Variants in WDFY3 observed in about 807,000 individuals in gnomAD.
WDFY3 encodes the protein WD repeat and FYVE domain-containing protein 3.
WDFY3 carries 66 observed loss-of-function variants against 409.6 expected under a neutral mutation model. The observed-to-expected ratio is 0.16, with a 90% CI of 0.13 to 0.20. WDFY3 has a LOEUF of 0.20. Ranked by LOEUF, WDFY3 falls within the 10% of genes least tolerant of loss-of-function variation. WDFY3 has a pLI of 1.00. For synonymous variants in WDFY3, 1,521 were observed against 1,537.1 expected (o/e 0.99, Z 0.25); for missense variants, 3,031 against 4,298.1 (o/e 0.71, Z 8.24).
At chr4:84,896,667 G>A (rs1196102409) in intron 3 of WDFY3, among the ~76,000 whole-genome samples, 2 of 152,106 alleles carry the variant, frequency 1.3e-5, no homozygotes, top group Non-Finnish European at 2.9e-5. Flanking sequence ...ATATGTGTAA[G>A]CATATAGGTG....
intron 3 of WDFY3, among the ~76,000 whole-genome samples, chr4:84,892,524 T>C (rs1368924237): frequency 6.6e-6 from 1 of 152,196 alleles, no homozygotes; most frequent in Non-Finnish European, 1.5e-5. Flanking sequence ...AGATATTTCC[T>C]ATGCATCAGG....
chr4:84,841,125 G>A (rs754936242), intron 6 of WDFY3, 29 bp downstream of exon 6: 3 of 1,544,676 alleles, frequency 1.9e-6, no homozygotes, highest in Admixed American at 2.1e-5. Context: ...AAGACGCTGA[G>A]TTATCAAACA....
Position 84,673,777 on chromosome 4 carries a change from G to GA in WDFY3, c.10458-787dup, listed in dbSNP as rs201540497. Among the ~76,000 whole-genome samples the GA allele has an allele frequency of 4.1e-3, 615 of 150,816 alleles. 4 individuals carry two copies. The highest frequency in any genetic ancestry group is 0.012 in the African/African-American group (496 of 41,108). On this transcript the variant is annotated intron_variant, in intron 67 of 67. Transcript: ENST00000295888. ...ATTTTCAGAAGATTGAAATGGAAATGAAAAAAAAAATTTTTTTTTGGTAGG... is the reference window on the plus strand; with the variant it reads ...ATTTTCAGAAGATTGAAATGGAAATGAAAAAAAAAAATTTTTTTTTGGTAGG...
Position 84,850,928 on chromosome 4 carries a change from G to GTTTTTTTTT in WDFY3, c.181-912_181-904dup, listed in dbSNP as rs869074191. 7.6e-4 allele frequency among the ~76,000 whole-genome samples: 35 copies of GTTTTTTTTT among 46,228 alleles called. 1 individual carries two copies. The highest frequency in any genetic ancestry group is 1.2e-3 in the Non-Finnish European group (30 of 25,864). 30.3% of individuals were successfully genotyped at this position (46,228 alleles called of 152,430 possible). ...TTCTTATTTTTAATTTTATTTATCTGTTTTTTTTTTTTTTTTTTTTTTTTT... is the reference window on the plus strand; with the variant it reads ...TTCTTATTTTTAATTTTATTTATCTGTTTTTTTTTTTTTTTTTTTTTTTTTTTTTTTTTT... On this transcript the variant is annotated intron_variant, in intron 4 of 67. Transcript: ENST00000295888.
chr4:84,770,507 C>T (rs954677749), intron 30 of WDFY3, among the ~76,000 whole-genome samples: 2 of 152,042 alleles, frequency 1.3e-5, no homozygotes, highest in African/African-American at 4.8e-5. Context: ...TGAGGTATTC[C>T]TATACTTTCC....
At chr4:84,881,995 A>T (rs1032938864) in intron 3 of WDFY3, among the ~76,000 whole-genome samples, 1 of 152,210 alleles carries the variant, frequency 6.6e-6, no homozygotes, top group Admixed American at 6.5e-5. Context: ...GACATGAGAA[A>T]CATTATCTCA....
chr4:84,693,895 C>CAA (rs35165784), intron 58 of WDFY3, among the ~76,000 whole-genome samples: 4 of 79,992 alleles, frequency 5.0e-5, no homozygotes, highest in African/African-American at 7.3e-5. Context: ...GACTCCGTCT[C>CAA]AAAAAAAAAA....
chr4:84,850,203 AT>A (rs1352731340), intron 4 of WDFY3, among the ~76,000 whole-genome samples, 178 bp from the exon 5 acceptor site: 1 of 152,210 alleles, frequency 6.6e-6, no homozygotes, highest in Admixed American at 6.5e-5. Context: ...GTCTAGCCAC[AT>A]TTCCTTTTAC....
intron 67 of WDFY3, 151 bp downstream of exon 67, chr4:84,677,048 A>C: frequency 2.3e-6 from 2 of 876,492 alleles, no homozygotes; most frequent in Non-Finnish European, 3.3e-6. Context: ...TTGTAGTAAT[A>C]AAGAAGAACA....
At chr4:84,945,157 C>T (rs1772655153) in intron 1 of WDFY3, among the ~76,000 whole-genome samples, 2 of 152,140 alleles carry the variant, frequency 1.3e-5, no homozygotes, top group Admixed American at 6.5e-5. Flanking sequence ...CCAACTCATA[C>T]TCCTCCAGCC....
chr4:84,838,312 C>G (rs1453844525), intron 6 of WDFY3, among the ~76,000 whole-genome samples: 3 of 152,194 alleles, frequency 2.0e-5, no homozygotes, highest in African/African-American at 7.2e-5. Context: ...ACAAATGAAG[C>G]AACTGAGGTT....
intron 1 of WDFY3, among the ~76,000 whole-genome samples, chr4:84,947,842 T>G (rs1453088368): frequency 6.6e-6 from 1 of 151,796 alleles, no homozygotes; most frequent in Non-Finnish European, 1.5e-5. Flanking sequence ...GTCATAATCA[T>G]GCCACTGTAC....
At chr4:84,805,865 AC>A (rs1292752553) in intron 15 of WDFY3, among the ~76,000 whole-genome samples, 2 of 152,208 alleles carry the variant, frequency 1.3e-5, no homozygotes, top group African/African-American at 4.8e-5. Context: ...CTGATTGAAC[AC>A]TGTTCAGCTA....
chr4:84,797,850 C>G, intron 18 of WDFY3, 146 bp downstream of exon 18: 1 of 643,994 alleles, frequency 1.6e-6, no homozygotes, highest in Non-Finnish European at 2.5e-6. Flanking sequence ...GGATTACAGG[C>G]GTGAGCCACC....
intron 30 of WDFY3, among the ~76,000 whole-genome samples, chr4:84,768,880 G>A: frequency 6.6e-6 from 1 of 152,134 alleles, no homozygotes; most frequent in East Asian, 1.9e-4. Flanking sequence ...AAATATTTTG[G>A]ATAAAATTCA....
rs774893280 is a variant in WDFY3 at position 84,803,317 on chromosome 4, G to A, written c.2580C>T (p.Ala860=). 1.2e-6 allele frequency: 2 copies of A among 1,612,586 alleles called. No individual in the cohort carries two copies. Among genetic ancestry groups the A allele is most frequent in the East Asian group, 2.2e-5 (1 of 44,872 alleles). The change falls in exon 16 of 68, where the codon GCC becomes GCT. Residue 860 remains alanine (A), a synonymous_variant. Transcript: ENST00000295888. ...GAMLAMLDLL[A]SVGSVTQPEH... Reference sequence around the variant, plus strand: ...CTGGCTGTGTCACTGACCCAACAGAGGCCAGTAGGTCCAGCATGGCAAGCA... The same window carrying A: ...CTGGCTGTGTCACTGACCCAACAGAAGCCAGTAGGTCCAGCATGGCAAGCA...
intron 42 of WDFY3, among the ~76,000 whole-genome samples, chr4:84,735,577 C>T (rs1737304974): frequency 6.6e-6 from 1 of 152,200 alleles, no homozygotes; most frequent in South Asian, 2.1e-4. Context: ...TTTCTTCTCC[C>T]TTCCACAGGT....
intron 42 of WDFY3, 63 bp downstream of exon 42, chr4:84,736,107 T>C: frequency 2.2e-5 from 33 of 1,476,046 alleles, no homozygotes; most frequent in Middle Eastern, 1.8e-4. Context: ...CAATTGCTTG[T>C]ACATGTTAAG....
intron 14 of WDFY3, 132 bp from the exon 15 acceptor site, chr4:84,808,549 C>G: frequency 4.5e-6 from 3 of 672,460 alleles, no homozygotes; most frequent in Non-Finnish European, 8.0e-6. Flanking sequence ...TCAGCAGGAA[C>G]AAGGAACAAG....
Sources: gnomAD v4.1 joint callset for allele counts (sites outside exome capture counted in the v4.1 genomes callset) on GRCh38, gnomAD v4.1.1 for gene constraint, MANE v1.5 for transcripts, NCBI Gene and HGNC (gene_info 2026-07-23, HGNC 2026-07-21) for gene names.